Variants in PDE3A observed in about 807,000 individuals in gnomAD.
PDE3A encodes the protein cGMP-inhibited 3',5'-cyclic phosphodiesterase 3A.
In PDE3A, 43 loss-of-function variants were observed where a neutral mutation model predicts 98.3. That is an observed-to-expected ratio of 0.44 (90% CI 0.34 to 0.56). PDE3A has a LOEUF of 0.56. Ranked by LOEUF, PDE3A falls within the 20% of genes least tolerant of loss-of-function variation. PDE3A has a pLI of 0.01. For missense variants in PDE3A, 1,427 were observed against 1,440.7 expected, an observed-to-expected ratio of 0.99 and a Z score of 0.15; for synonymous variants, 663 against 567.9, an observed-to-expected ratio of 1.17 and a Z score of -2.38.
intron 15 of PDE3A, among the ~76,000 whole-genome samples, chr12:20,657,083 T>C (rs981401387): frequency 6.6e-6 from 1 of 152,226 alleles, no homozygotes; most frequent in African/African-American, 2.4e-5. Flanking sequence ...GATTTGATAC[T>C]GTAGCTTTGG....
chr12:20,611,284 A>ATATT (rs1362214792), intron 2 of PDE3A, among the ~76,000 whole-genome samples: 1 of 151,946 alleles, frequency 6.6e-6, no homozygotes, highest in Admixed American at 6.6e-5. Flanking sequence ...AAAATTATTA[A>ATATT]TATTACACTT....
At chr12:20,468,325 T>G (rs1041385467) in intron 1 of PDE3A, among the ~76,000 whole-genome samples, 2 of 152,194 alleles carry the variant, frequency 1.3e-5, no homozygotes, top group Non-Finnish European at 2.9e-5. Flanking sequence ...AAAATTAGAA[T>G]GGCCAATGAT....
chr12:20,493,930 G>A lies in PDE3A; in HGVS notation c.961-62730G>A, dbSNP rs189453636. 2.0e-3 allele frequency among the ~76,000 whole-genome samples: 300 copies of A among 152,276 alleles called. 3 individuals are homozygous for A. Among genetic ancestry groups the A allele is most frequent in the African/African-American group, 6.9e-3 (285 of 41,558 alleles). ...CAGGCGTGAGCCAGCACGCCTGGCC[G>A]CAAACTACTTTTCAATGGCTTCAGA... On this transcript the variant is annotated intron_variant, in intron 1 of 15. Coordinates refer to ENST00000359062, the MANE Select transcript of PDE3A (RefSeq NM_000921.5).
intron 1 of PDE3A, among the ~76,000 whole-genome samples, chr12:20,541,483 A>G (rs1192793284): frequency 6.6e-6 from 1 of 152,046 alleles, no homozygotes; most frequent in African/African-American, 2.4e-5. Flanking sequence ...AGAATGAGCA[A>G]GTCTCTCGGT....
At chr12:20,390,053 G>C (rs889071809) in intron 1 of PDE3A, among the ~76,000 whole-genome samples, 4 of 151,924 alleles carry the variant, frequency 2.6e-5, no homozygotes, top group African/African-American at 9.7e-5. Flanking sequence ...TGAAGAGCTG[G>C]ACATCAGGTG....
chr12:20,649,645 G>A (rs1005056038), intron 13 of PDE3A, among the ~76,000 whole-genome samples: 1 of 152,098 alleles, frequency 6.6e-6, no homozygotes, highest in Admixed American at 6.5e-5. Context: ...TGATAATAAG[G>A]CCAAGCACAA....
intron 1 of PDE3A, among the ~76,000 whole-genome samples, chr12:20,406,115 T>A (rs1417369263): frequency 6.6e-6 from 1 of 152,216 alleles, no homozygotes; most frequent in Non-Finnish European, 1.5e-5. Flanking sequence ...ACATCACATG[T>A]TCTTTATCCA....
intron 2 of PDE3A, among the ~76,000 whole-genome samples, chr12:20,582,107 T>C (rs1003385580): frequency 2.0e-5 from 3 of 152,162 alleles, no homozygotes; most frequent in African/African-American, 7.2e-5. Context: ...AAAAGAACTT[T>C]TAATAAAAAG....
At chr12:20,392,045 T>G (rs1943925929) in intron 1 of PDE3A, among the ~76,000 whole-genome samples, 1 of 152,006 alleles carries the variant, frequency 6.6e-6, no homozygotes, top group African/African-American at 2.4e-5. Context: ...ATGAGACCCT[T>G]AACACATACT....
At chr12:20,609,120 T>A (rs962143288) in intron 2 of PDE3A, among the ~76,000 whole-genome samples, 2 of 152,032 alleles carry the variant, frequency 1.3e-5, no homozygotes, top group Non-Finnish European at 2.9e-5. Context: ...AATTGAATAA[T>A]GATATTATCT....
intron 1 of PDE3A, among the ~76,000 whole-genome samples, chr12:20,532,708 A>G (rs1319513109): frequency 1.2e-5 from 1 of 83,860 alleles, no homozygotes; most frequent in Non-Finnish European, 2.3e-5. Flanking sequence ...TTTTTTTTTG[A>G]GACGGAGTCT....
intron 1 of PDE3A, chr12:20,371,449 G>T (rs1003879480): frequency 1.0e-6 from 1 of 982,330 alleles, no homozygotes; most frequent in Admixed American, 6.2e-5. Context: ...GACAACTTTA[G>T]GGAGCAAGAG....
chr12:20,592,625 G>A (rs1050361388), intron 2 of PDE3A, among the ~76,000 whole-genome samples: 9 of 152,168 alleles, frequency 5.9e-5, no homozygotes. Context: ...AGGGACTGCT[G>A]AAAATGAGGG....
At position 20,620,799 on chromosome 12, in the gene PDE3A, G is replaced by A. The variant is rs188001216; in HGVS notation, c.1425-497G>A. ...AAGGTAATTTGACTAGATCATTTCC[G>A]TCACAAGGAAATAATGCAAAAAAAA... On this transcript the variant is annotated intron_variant, in intron 4 of 15. Transcript: ENST00000359062. 9.1e-5 allele frequency among the ~76,000 whole-genome samples: 13 copies of A among 143,628 alleles called. No homozygotes were observed. The East Asian group carries it at 9.9e-4, about 11-fold the overall frequency. 94.2% of individuals were successfully genotyped at this position (143,628 alleles called of 152,430 possible).
At chr12:20,603,608 T>C (rs1007990214) in intron 2 of PDE3A, among the ~76,000 whole-genome samples, 3 of 152,138 alleles carry the variant, frequency 2.0e-5, no homozygotes, top group African/African-American at 7.2e-5. Context: ...CTGTGCTATC[T>C]TCATTTATAA....
intron 1 of PDE3A, among the ~76,000 whole-genome samples, chr12:20,386,081 A>AAATATATATG (rs1943770479): frequency 2.3e-5 from 1 of 44,412 alleles, no homozygotes; most frequent in Non-Finnish European, 4.0e-5. Context: ...AAATATATAT[A>AAATATATATG]AATATATAAA....
At chr12:20,385,560 C>G (rs567766913) in intron 1 of PDE3A, among the ~76,000 whole-genome samples, 1 of 151,772 alleles carries the variant, frequency 6.6e-6, no homozygotes, top group African/African-American at 2.4e-5. Context: ...CAATGATAGA[C>G]TGGATTAAGA....
intron 15 of PDE3A, 151 bp from the exon 16 acceptor site, chr12:20,679,879 T>A (rs1411859604): frequency 8.9e-6 from 1 of 112,746 alleles, no homozygotes; most frequent in Admixed American, 1.3e-4. Flanking sequence ...ATAATATATA[T>A]ATTATATATA....
intron 14 of PDE3A, among the ~76,000 whole-genome samples, 182 bp from the exon 15 acceptor site, chr12:20,653,765 C>T (rs1250495094): frequency 1.3e-5 from 2 of 152,112 alleles, no homozygotes; most frequent in Non-Finnish European, 2.9e-5. Flanking sequence ...TGATAAAAAG[C>T]AAAAACCTCA....
Sources: allele counts gnomAD v4.1 joint callset (sites outside exome capture counted in the v4.1 genomes callset), GRCh38; gene constraint gnomAD v4.1.1; transcripts MANE v1.5; gene names NCBI Gene and HGNC (gene_info 2026-07-23, HGNC 2026-07-21).